REC8: variants seen among roughly 807,000 people sequenced by gnomAD.
The protein encoded by REC8 is REC8 meiotic recombination protein.
REC8 carries 42 observed loss-of-function variants against 78.3 expected under a neutral mutation model. The observed-to-expected ratio is 0.54, with a 90% confidence interval of 0.42 to 0.69. The LOEUF is 0.69. REC8 is among the 30% of genes least tolerant of loss of function. The pLI is 0.00. For missense variants in REC8, 581 were observed against 715.8 expected (o/e 0.81, Z 2.15); for synonymous variants, 268 against 274.1 (o/e 0.98, Z 0.22).
rs1196249838 is a variant in REC8, at chr14:24,172,499, A to T, written c.-54A>T. The stretch of plus-strand genomic sequence containing the variant: ...GAATTCTGTGCCCTAAAGAATTCCG[A>T]CTCAGATCCGAACGGGGATCTGGTG... On this transcript the variant is annotated 5_prime_UTR_variant, in exon 1 of 19. Coordinates refer to ENST00000611366, the MANE Select transcript of REC8 (RefSeq NM_001048205.2). 4 of 1,558,200 alleles carry T rather than the reference A, an allele frequency of 2.6e-6. No homozygotes were observed. Among genetic ancestry groups the T allele is most frequent in the Non-Finnish European group, 3.5e-6 (4 of 1,140,168 alleles).
downstream of REC8, chr14:24,180,736 A>C: frequency 6.2e-7 from 1 of 1,614,082 alleles, no homozygotes; most frequent in East Asian, 2.2e-5. Context: ...GATACGCAGA[A>C]GCTCGGGAGC....
chr14:24,180,407 G>A (rs774758323), downstream of REC8: 15 of 1,593,906 alleles, frequency 9.4e-6, no homozygotes, highest in Admixed American at 1.5e-4. Flanking sequence ...GCCTGGGCAG[G>A]CTCTATTCTC....
Position 24,180,164 on chromosome 14 carries a change from G to A in REC8, c.*69G>A. ...TAGTAAACCACGTCGTGCCTCACTG[G>A]GTCCTGCTTACCTCATTTCTGAATG... On this transcript the variant is annotated 3_prime_UTR_variant, in exon 19 of 19. Coordinates refer to ENST00000611366, the MANE Select transcript of REC8 (RefSeq NM_001048205.2). The A allele has an allele frequency of 1.2e-6, 2 of 1,613,686 alleles. No homozygotes were observed. Among genetic ancestry groups the A allele is most frequent in the Non-Finnish European group, 1.7e-6 (2 of 1,179,918 alleles).
intron 12 of REC8, 53 bp downstream of exon 12, chr14:24,178,275 G>A (rs957903188): frequency 3.3e-6 from 5 of 1,522,814 alleles, no homozygotes; most frequent in Non-Finnish European, 4.5e-6. Flanking sequence ...GGATGACCAG[G>A]GGCACATGCA....
intron 12 of REC8, among the ~76,000 whole-genome samples, 182 bp from the exon 13 acceptor site, chr14:24,178,424 G>A (rs2038999883): frequency 2.6e-5 from 4 of 152,212 alleles, no homozygotes; most frequent in African/African-American, 7.2e-5. Context: ...TGACCCACCT[G>A]TCATACCCAT....
intron 5 of REC8, among the ~76,000 whole-genome samples, chr14:24,174,733 T>A (rs2038815144): frequency 6.6e-6 from 1 of 152,146 alleles, no homozygotes; most frequent in South Asian, 2.1e-4. Flanking sequence ...TCACCCCTCA[T>A]CCTCTACAAG....
intron 10 of REC8, 75 bp from the exon 11 acceptor site, chr14:24,177,634 C>T (rs2038959648): frequency 1.9e-6 from 3 of 1,575,708 alleles, no homozygotes; most frequent in Non-Finnish European, 2.6e-6. Context: ...AAAGGGAGGA[C>T]CCTGCAGTTT....
intron 11 of REC8, 96 bp downstream of exon 11, chr14:24,177,854 G>A (rs1287621159): frequency 2.0e-6 from 3 of 1,479,652 alleles, no homozygotes; most frequent in African/African-American, 2.8e-5. Context: ...AGCTTACAGG[G>A]GTCCTTAATG....
rs753948187 is a variant in REC8, at chr14:24,177,528, G to C, written c.801G>C (p.Gly267=). The C allele has an allele frequency of 2.5e-6, 4 of 1,613,746 alleles. No homozygotes were observed. The Admixed American group carries it at 6.7e-5, about 27-fold the overall frequency. ...TGAGGCTGACAGGCTGGGAACCTGGGGCCCTACTCATGGGTGAGTGCCCAC... is the reference window on the plus strand; with the variant it reads ...TGAGGCTGACAGGCTGGGAACCTGGCGCCCTACTCATGGGTGAGTGCCCAC... ...EELRLTGWEP[G]ALLMEVTPPE... Residue 267 remains glycine (G), a synonymous_variant, in exon 10 of 19, where the codon GGG becomes GGC. Transcript: ENST00000611366.
At chr14:24,173,440 T>C (rs577040703) in intron 5 of REC8, 29 bp downstream of exon 5, 3 of 1,612,682 alleles carry the variant, frequency 1.9e-6, no homozygotes, top group Non-Finnish European at 2.5e-6. Context: ...GACTCGTGAA[T>C]TGGCAATGCA....
chr14:24,180,501 G>A, downstream of REC8: 1 of 1,614,064 alleles, frequency 6.2e-7, no homozygotes, highest in Non-Finnish European at 8.5e-7. Flanking sequence ...AGTGAGCCCA[G>A]AGCTGCTTGA....
In REC8 at chr14:24,177,278, C is replaced by T. The variant is rs370930634; in HGVS notation, c.706+56C>T. 201 of 1,612,120 alleles carry T rather than the reference C, an allele frequency of 1.2e-4. No homozygotes were observed. Among genetic ancestry groups the T allele is most frequent in the Non-Finnish European group, 3.8e-5 (45 of 1,178,318 alleles). The stretch of plus-strand genomic sequence containing the variant: ...TGGAGCTGGATAGTCAGACCCCTGG[C>T]GTGGGCATTCTGGGACTGGGCAATG... On this transcript the variant is annotated intron_variant, in intron 8 of 18. Coordinates refer to ENST00000611366, the MANE Select transcript of REC8 (RefSeq NM_001048205.2).
Position 24,178,154 on chromosome 14 carries a change from AAGGAGACTC to A in REC8, c.931_939del (p.Glu311_Gln313del). 1 of 1,614,048 alleles carries A rather than the reference AAGGAGACTC, an allele frequency of 6.2e-7. No individual in the cohort carries two copies. The highest frequency in any genetic ancestry group is 8.5e-7 in the Non-Finnish European group (1 of 1,179,956). The stretch of plus-strand genomic sequence containing the variant: ...TCGTCGCCGGTTACTGTTCTGGGAC[AAGGAGACTC>A]AGATCTCCCCGGAGAAATTCCAGGA... On this transcript the variant is annotated inframe_deletion, in exon 12 of 19. Transcript: ENST00000611366.
rs984854020 is a variant in REC8, at chr14:24,173,427, C to G, written c.462+16C>G. On this transcript the variant is annotated intron_variant, in intron 5 of 18. Transcript: ENST00000611366. ...TATCCCTCAGGTAGGGCTCATTCCC[C>G]AAGACTCGTGAATTGGCAATGCAGA... The G allele has an allele frequency of 6.2e-7, 1 of 1,613,310 alleles. No homozygotes were observed. The highest frequency in any genetic ancestry group is 1.3e-5 in the African/African-American group (1 of 74,888).
intron 5 of REC8, chr14:24,175,175 T>G: frequency 6.0e-6 from 1 of 166,938 alleles, no homozygotes; most frequent in South Asian, 1.5e-4. Flanking sequence ...CCGGCTAATT[T>G]TTGTATTTTT....
At chr14:24,175,283 G>A (rs1389845329) in intron 5 of REC8, 3 of 344,970 alleles carry the variant, frequency 8.7e-6, no homozygotes, top group Non-Finnish European at 1.6e-5. Context: ...TGGGATTACA[G>A]ACATGAGCCA....
chr14:24,173,262 A>G (rs776851779), intron 4 of REC8, 29 bp from the exon 5 acceptor site: 8 of 1,614,006 alleles, frequency 5.0e-6, no homozygotes, highest in Non-Finnish European at 6.8e-6. Flanking sequence ...GCTCAGCCTC[A>G]GTCCTTCACG....
intron 6 of REC8, 23 bp downstream of exon 6, chr14:24,175,647 C>G (rs770273827): frequency 1.9e-6 from 3 of 1,584,196 alleles, no homozygotes; most frequent in Non-Finnish European, 2.6e-6. Flanking sequence ...AACCTTCTTT[C>G]TGGTGAGAGG....
rs114539594 is a variant in REC8 at position 24,173,429 on chromosome 14, A to G, written c.462+18A>G. 5.5e-4 allele frequency: 887 copies of G among 1,613,458 alleles called. 7 individuals carry two copies. In the African/African-American group the frequency reaches 0.01, roughly 19 times the overall value. On this transcript the variant is annotated intron_variant, in intron 5 of 18. Coordinates refer to ENST00000611366, the MANE Select transcript of REC8 (RefSeq NM_001048205.2). ...TCCCTCAGGTAGGGCTCATTCCCCAAGACTCGTGAATTGGCAATGCAGAAG... is the reference window on the plus strand; with the variant it reads ...TCCCTCAGGTAGGGCTCATTCCCCAGGACTCGTGAATTGGCAATGCAGAAG...
Sources: allele counts gnomAD v4.1 joint callset (sites outside exome capture counted in the v4.1 genomes callset), GRCh38; gene constraint gnomAD v4.1.1; transcripts MANE v1.5; gene names NCBI Gene and HGNC (gene_info 2026-07-23, HGNC 2026-07-21).